MTF2: variants seen among roughly 807,000 people sequenced by gnomAD.
MTF2 encodes metal response element binding transcription factor 2.
MTF2 carries 11 observed loss-of-function variants against 79.5 expected under a neutral mutation model. That is an observed-to-expected ratio of 0.14 (90% CI 0.09 to 0.23). The LOEUF is 0.23. Among genes scored for constraint, MTF2 ranks in the 10% least tolerant of loss-of-function variants. The probability of loss-of-function intolerance (pLI) is 1.00; values close to 1 mark genes in which losing one functional copy is unlikely to be tolerated. For missense variants in MTF2, 486 were observed against 711.2 expected (o/e 0.68, Z 3.60); for synonymous variants, 208 against 232.8 (o/e 0.89, Z 0.97).
At position 93,128,745 on chromosome 1, in the gene MTF2, A is replaced by C. The variant is rs1656805725; in HGVS notation, c.990-533A>C. The stretch of plus-strand genomic sequence containing the variant: ...GCCCAAGTCCATAATAAACTGGAAT[A>C]ACCCTTCTTTGCCCCAGGTTATTTC... On this transcript the variant is annotated intron_variant, in intron 10 of 14. Coordinates refer to ENST00000370298, the MANE Select transcript of MTF2 (RefSeq NM_007358.4). 4 of 151,044 alleles carry C rather than the reference A, an allele frequency of 2.6e-5. No homozygotes were observed. In the Admixed American group the frequency reaches 2.7e-4, roughly 10 times the overall value. The allele number at this position is 151,044 out of a possible 1,614,324, so 9.4% of individuals were successfully genotyped here.
intron 7 of MTF2, 41 bp downstream of exon 7, chr1:93,118,481 C>G (rs1193738030): frequency 3.7e-6 from 5 of 1,366,324 alleles, no homozygotes; most frequent in Non-Finnish European, 5.1e-6. Context: ...ATTTTTGTCA[C>G]TTTTTAATTG....
At chr1:93,101,889 A>G (rs566003481) in intron 1 of MTF2, among the ~76,000 whole-genome samples, 1 of 151,878 alleles carries the variant, frequency 6.6e-6, no homozygotes, top group African/African-American at 2.4e-5. Flanking sequence ...GTCTTAACCA[A>G]TTTTCAGTGT....
intron 9 of MTF2, among the ~76,000 whole-genome samples, chr1:93,124,374 A>G (rs1656608986): frequency 6.6e-6 from 1 of 152,062 alleles, no homozygotes; most frequent in Non-Finnish European, 1.5e-5. Flanking sequence ...AAAATGAGAT[A>G]TTAGTACTTT....
At chr1:93,110,650 A>G in intron 3 of MTF2, 24 bp downstream of exon 3, 1 of 1,549,986 alleles carries the variant, frequency 6.5e-7, no homozygotes, top group Non-Finnish European at 8.9e-7. Context: ...TTTCTCTTGA[A>G]CATGATTTAA....
Position 93,127,262 on chromosome 1 carries a change from G to C in MTF2, c.952G>C (p.Glu318Gln). 6.2e-7 allele frequency: 1 copy of C among 1,612,894 alleles called. No individual in the cohort carries two copies. Among genetic ancestry groups the C allele is most frequent in the Non-Finnish European group, 8.5e-7 (1 of 1,179,082 alleles). ...LADTPKSERY[E>Q]HVLEALNDYK... Reference sequence around the variant, plus strand: ...AGACACACCAAAATCTGAAAGATATGAGCATGTTCTGGAGGCATTAAATGA... The same window carrying C: ...AGACACACCAAAATCTGAAAGATATCAGCATGTTCTGGAGGCATTAAATGA... Residue 318 changes from glutamate to glutamine, a missense_variant, in exon 10 of 15, where the codon GAG becomes CAG. Coordinates refer to ENST00000370298, the MANE Select transcript of MTF2 (RefSeq NM_007358.4).
At chr1:93,124,229 G>A (rs1262178953) in intron 9 of MTF2, among the ~76,000 whole-genome samples, 2 of 151,962 alleles carry the variant, frequency 1.3e-5, no homozygotes, top group Non-Finnish European at 2.9e-5. Context: ...GTAGCTGTTT[G>A]AGGAACTACT....
intron 1 of MTF2, among the ~76,000 whole-genome samples, chr1:93,103,870 T>C (rs1276146740): frequency 6.6e-6 from 1 of 152,202 alleles, no homozygotes; most frequent in African/African-American, 2.4e-5. Context: ...AATTTACTCT[T>C]TTCTTGCTTT....
chr1:93,081,200 C>T (rs562171090), intron 1 of MTF2, among the ~76,000 whole-genome samples: 2 of 152,236 alleles, frequency 1.3e-5, no homozygotes, highest in South Asian at 2.1e-4. Context: ...TTCTAGATGA[C>T]ACAATTATAT....
chr1:93,114,751 A>T lies in MTF2; in HGVS notation c.350A>T (p.Asn117Ile). Reference protein sequence around the residue: ...ICQEEYSEAPNEMVICDKCGQ... With the variant: ...ICQEEYSEAPIEMVICDKCGQ... ...CAAGAAGAGTATTCAGAAGCTCCCA[A>T]TGAAATGGTTATATGTGACAAGTGT... The change falls in exon 4 of 15, where the codon AAT becomes ATT. Residue 117 changes from asparagine (N) to isoleucine (I), a missense_variant. By Grantham distance (149) the Asn-to-Ile change is moderately radical. Coordinates refer to ENST00000370298, the MANE Select transcript of MTF2 (RefSeq NM_007358.4). The T allele has an allele frequency of 6.2e-7, 1 of 1,612,994 alleles. No homozygotes were observed. Among genetic ancestry groups the T allele is most frequent in the Non-Finnish European group, 8.5e-7 (1 of 1,179,476 alleles).
At chr1:93,118,464 C>T (rs371162884) in intron 7 of MTF2, 24 bp downstream of exon 7, 1 of 1,491,180 alleles carries the variant, frequency 6.7e-7, no homozygotes, top group Admixed American at 2.1e-5. Context: ...TTGAACTTTA[C>T]TGGCTGATTT....
intron 1 of MTF2, among the ~76,000 whole-genome samples, chr1:93,080,416 T>C (rs1654557917): frequency 6.6e-6 from 1 of 152,216 alleles, no homozygotes; most frequent in Non-Finnish European, 1.5e-5. Flanking sequence ...CAGATGGATT[T>C]ATCGGGGTAA....
At chr1:93,110,204 T>C (rs1655971821) in intron 1 of MTF2, 26 bp from the exon 2 acceptor site, 4 of 1,597,034 alleles carry the variant, frequency 2.5e-6, no homozygotes, top group African/African-American at 1.3e-5. Flanking sequence ...GTAAGTCTTA[T>C]GTATGGTCTT....
Position 93,120,488 on chromosome 1 carries a change from G to A in MTF2, c.798-61G>A, listed in dbSNP as rs1425345436. 8 of 1,452,492 alleles carry A rather than the reference G, an allele frequency of 5.5e-6. No individual in the cohort carries two copies. In the Admixed American group the frequency reaches 7.5e-5, roughly 14 times the overall value. 90.0% of individuals were successfully genotyped at this position (1,452,492 alleles called of 1,614,324 possible). Reference sequence around the variant, plus strand: ...TTAATTACTGTTTTATAAGGAAACCGTGATTTTTTAACAGTAACCAAAAAC... The same window carrying A: ...TTAATTACTGTTTTATAAGGAAACCATGATTTTTTAACAGTAACCAAAAAC... On this transcript the variant is annotated intron_variant, in intron 8 of 14. Transcript: ENST00000370298.
chr1:93,128,238 A>G (rs1367201523), intron 10 of MTF2, among the ~76,000 whole-genome samples: 1 of 152,098 alleles, frequency 6.6e-6, no homozygotes, highest in African/African-American at 2.4e-5. Context: ...GTAATGAGGG[A>G]TCCCCTTTCT....
intron 11 of MTF2, among the ~76,000 whole-genome samples, chr1:93,130,201 G>A (rs1406690951): frequency 6.6e-6 from 1 of 152,190 alleles, no homozygotes; most frequent in Non-Finnish European, 1.5e-5. Flanking sequence ...GCTTGATCCT[G>A]TGTAGGGTCT....
At chr1:93,110,767 A>G (rs962190075) in intron 3 of MTF2, 141 bp downstream of exon 3, 2 of 689,998 alleles carry the variant, frequency 2.9e-6, no homozygotes, top group Admixed American at 2.8e-5. Flanking sequence ...AAAAATCAGC[A>G]TAGTCGTTAT....
Position 93,079,423 on chromosome 1 carries a change from G to T in MTF2, c.-104G>T. 1 of 1,430,202 alleles carries T rather than the reference G, an allele frequency of 7.0e-7. No individual in the cohort carries two copies. 88.6% of individuals were successfully genotyped at this position (1,430,202 alleles called of 1,614,324 possible). ...GTGCATATGTGCCGGGTACCCGGTG[G>T]GGCGGGTGCCCAGTAAGTGCTCGGA... On this transcript the variant is annotated 5_prime_UTR_variant, in exon 1 of 15. Transcript: ENST00000370298.
chr1:93,090,279 T>G (rs1239851364), intron 1 of MTF2, among the ~76,000 whole-genome samples: 4 of 152,030 alleles, frequency 2.6e-5, no homozygotes, highest in Admixed American at 6.5e-5. Context: ...CCTGGCCAAT[T>G]TTTGTATTTT....
chr1:93,109,566 C>T (rs189774948), intron 1 of MTF2, among the ~76,000 whole-genome samples: 2,311 of 152,228 alleles, frequency 0.015, 28 homozygotes, highest in Non-Finnish European at 0.023. Context: ...AACTCCTGGC[C>T]TCAGGTGATC....
Sources: allele counts gnomAD v4.1 joint callset (sites outside exome capture counted in the v4.1 genomes callset), GRCh38; gene constraint gnomAD v4.1.1; transcripts MANE v1.5; gene names NCBI Gene and HGNC (gene_info 2026-07-23, HGNC 2026-07-21).